Variants in CPNE4 observed in about 807,000 individuals in gnomAD.
CPNE4 encodes the protein copine 4, also known as copine-4.
A neutral mutation model predicts 67.9 loss-of-function variants in CPNE4; 25 were observed. That is an observed-to-expected ratio of 0.37 (90% CI 0.27 to 0.51). The LOEUF is 0.51. CPNE4 is among the 20% of genes least tolerant of loss of function. The pLI, the probability that CPNE4 is intolerant of heterozygous loss-of-function variation, is 0.93. For synonymous variants in CPNE4, 242 were observed against 244.9 expected, an observed-to-expected ratio of 0.99 and a Z score of 0.11; for missense variants, 464 against 690.8, an observed-to-expected ratio of 0.67 and a Z score of 3.68.
intron 7 of CPNE4, among the ~76,000 whole-genome samples, chr3:131,599,662 C>T (rs1939092687): frequency 6.6e-6 from 1 of 152,114 alleles, no homozygotes; most frequent in South Asian, 2.1e-4. Flanking sequence ...CTTGTCTAGA[C>T]TGGTGGGCAG....
intron 2 of CPNE4, among the ~76,000 whole-genome samples, chr3:131,859,715 C>A (rs574055229): frequency 6.6e-6 from 1 of 152,232 alleles, no homozygotes; most frequent in Admixed American, 6.5e-5. Context: ...TGTTGCCAAC[C>A]ACTGAATTAC....
chr3:131,704,471 G>A (rs1353972667), intron 3 of CPNE4, among the ~76,000 whole-genome samples: 1 of 152,144 alleles, frequency 6.6e-6, no homozygotes, highest in Non-Finnish European at 1.5e-5. Flanking sequence ...TGAAGCTCCA[G>A]TTTCTCCCAG....
In CPNE4 at chr3:132,029,680, G is replaced by A. The variant is rs532442825; in HGVS notation, c.-2+4887C>T. Among the ~76,000 whole-genome samples, 34 of 152,282 alleles carry A rather than the reference G, an allele frequency of 2.2e-4. 1 individual carries two copies. Among genetic ancestry groups the A allele is most frequent in the Admixed American group, 2.2e-3 (34 of 15,298 alleles). On this transcript the variant is annotated intron_variant, in intron 1 of 15. Transcript: ENST00000429747. ...AACCTGAGCTTTCTAAAGTTAATCC[G>A]AAATACTGTATTTTCCCCCTGACAT... is the stretch of plus-strand genomic sequence containing the variant.
chr3:131,704,711 A>G (rs2081377732), intron 3 of CPNE4, among the ~76,000 whole-genome samples: 1 of 152,186 alleles, frequency 6.6e-6, no homozygotes, highest in African/African-American at 2.4e-5. Context: ...TTTAATGATC[A>G]TTTATGAAAT....
intron 7 of CPNE4, among the ~76,000 whole-genome samples, chr3:131,666,560 C>T (rs772279595): frequency 5.3e-5 from 8 of 152,074 alleles, no homozygotes; most frequent in African/African-American, 1.7e-4. Flanking sequence ...CTTGAAGAAG[C>T]TTTTATTGGC....
intron 1 of CPNE4, among the ~76,000 whole-genome samples, chr3:132,033,698 A>C (rs957189250): frequency 1.3e-5 from 2 of 152,218 alleles, no homozygotes; most frequent in Non-Finnish European, 2.9e-5. Context: ...TAGGGCCTTA[A>C]AGCCCACCTA....
At chr3:131,871,665 C>T (rs114929191) in intron 2 of CPNE4, among the ~76,000 whole-genome samples, 254 of 152,172 alleles carry the variant, frequency 1.7e-3, no homozygotes, top group African/African-American at 5.7e-3. Flanking sequence ...TCAGTCTGAC[C>T]GATACCAACT....
intron 1 of CPNE4, among the ~76,000 whole-genome samples, chr3:132,002,937 G>A (rs896841996): frequency 6.6e-6 from 1 of 152,094 alleles, no homozygotes; most frequent in African/African-American, 2.4e-5. Context: ...TAGATCAGCA[G>A]CCTCAGCATT....
At chr3:131,942,752 C>T (rs534934449) in intron 1 of CPNE4, among the ~76,000 whole-genome samples, 10 of 152,196 alleles carry the variant, frequency 6.6e-5, no homozygotes, top group Admixed American at 5.9e-4. Flanking sequence ...CTTCGAATCC[C>T]TCTAAAGCAA....
intron 1 of CPNE4, among the ~76,000 whole-genome samples, chr3:131,929,629 A>G (rs541403560): frequency 2.4e-4 from 36 of 152,082 alleles, no homozygotes; most frequent in Non-Finnish European, 4.0e-4. Context: ...CCCCTTCAGC[A>G]AAGCCCCAAA....
At chr3:131,615,510 A>G (rs1252026130) in intron 7 of CPNE4, among the ~76,000 whole-genome samples, 3 of 152,220 alleles carry the variant, frequency 2.0e-5, no homozygotes, top group African/African-American at 7.2e-5. Context: ...TAGGAACCTC[A>G]CTAATTGAAG....
At chr3:132,030,358 TGA>T in intron 1 of CPNE4, among the ~76,000 whole-genome samples, 1 of 151,324 alleles carries the variant, frequency 6.6e-6, no homozygotes, top group African/African-American at 2.4e-5. Context: ...CTTCCAGTTC[TGA>T]GAGTCATAGA....
At chr3:131,790,701 A>AT (rs1288536984) in intron 2 of CPNE4, among the ~76,000 whole-genome samples, 2 of 152,094 alleles carry the variant, frequency 1.3e-5, no homozygotes, top group African/African-American at 2.4e-5. Context: ...CTCAGCTGTC[A>AT]TTTGAAGAGT....
chr3:131,592,750 TTTGA>T (rs1938615589), intron 7 of CPNE4, among the ~76,000 whole-genome samples: 1 of 152,170 alleles, frequency 6.6e-6, no homozygotes, highest in African/African-American at 2.4e-5. Context: ...ATCCCCATTC[TTTGA>T]TTGAAACTGT....
At chr3:131,695,655 G>T (rs1357057430) in intron 5 of CPNE4, among the ~76,000 whole-genome samples, 2 of 152,206 alleles carry the variant, frequency 1.3e-5, no homozygotes, top group Non-Finnish European at 2.9e-5. Flanking sequence ...GTGAAAAGGT[G>T]AAGTTAAAAG....
intron 7 of CPNE4, among the ~76,000 whole-genome samples, chr3:131,592,661 C>CTGT (rs1264918978): frequency 1.3e-5 from 2 of 151,426 alleles, no homozygotes; most frequent in African/African-American, 4.8e-5. Flanking sequence ...ATATTTGTTA[C>CTGT]TGTTGTTGTT....
At chr3:131,742,594 T>C (rs2082385729) in intron 2 of CPNE4, among the ~76,000 whole-genome samples, 1 of 152,186 alleles carries the variant, frequency 6.6e-6, no homozygotes, top group African/African-American at 2.4e-5. Context: ...TTTTCTCTTA[T>C]GTATATGGAA....
intron 1 of CPNE4, among the ~76,000 whole-genome samples, chr3:131,907,315 C>T (rs1225006): frequency 0.71 from 108,175 of 151,986 alleles, 38,806 homozygotes; most frequent in Admixed American, 0.81. Flanking sequence ...TCACATGGCA[C>T]TGGTGCTCTG....
Position 131,547,455 on chromosome 3 carries a change from C to CA in CPNE4, c.1302+2491dup, listed in dbSNP as rs56412825. Among the ~76,000 whole-genome samples the CA allele has an allele frequency of 1.4e-4, 5 of 36,544 alleles. 2 individuals are homozygous for CA. The highest frequency in any genetic ancestry group is 2.5e-3 in the South Asian group (2 of 812). The allele number at this position is 36,544 out of a possible 152,430, so 24.0% of individuals were successfully genotyped here. ...TGGGTGATAGACCAAGACCCTGTCGCAAAAAAAAAAAAAAAAAAAAAAAAA... is the reference window on the plus strand; with the variant it reads ...TGGGTGATAGACCAAGACCCTGTCGCAAAAAAAAAAAAAAAAAAAAAAAAAA... On this transcript the variant is annotated intron_variant, in intron 14 of 15. Coordinates refer to ENST00000429747, the MANE Select transcript of CPNE4 (RefSeq NM_130808.3).
Sources: allele counts gnomAD v4.1 joint callset (sites outside exome capture counted in the v4.1 genomes callset), GRCh38; gene constraint gnomAD v4.1.1; transcripts MANE v1.5; gene names NCBI Gene and HGNC (gene_info 2026-07-23, HGNC 2026-07-21).